The following SNTG1 variants were observed in gnomAD, a reference collection of about 807,000 sequenced individuals.
The protein encoded by SNTG1 is gamma-1-syntrophin.
Under a neutral mutation model 74.7 loss-of-function variants are expected in SNTG1, and 39 were observed. The observed-to-expected ratio is 0.52, with a 90% CI of 0.40 to 0.68. The LOEUF is 0.68. Ranked by LOEUF, SNTG1 falls within the 30% of genes least tolerant of loss-of-function variation. SNTG1 has a pLI of 0.00. For missense variants in SNTG1, 685 were observed against 609.5 expected, an observed-to-expected ratio of 1.12 and a Z score of -1.30; for synonymous variants, 254 against 217.1, an observed-to-expected ratio of 1.17 and a Z score of -1.49.
At chr8:50,415,033 C>T (rs899305290) in intron 4 of SNTG1, among the ~76,000 whole-genome samples, 4 of 152,142 alleles carry the variant, frequency 2.6e-5, no homozygotes, top group Admixed American at 2.0e-4. Context: ...CTCTAATTCA[C>T]TTTGTCTAAA....
chr8:50,420,287 G>T (rs529200411), intron 4 of SNTG1, among the ~76,000 whole-genome samples: 48 of 152,186 alleles, frequency 3.2e-4, no homozygotes, highest in African/African-American at 6.3e-4. Flanking sequence ...AACAAAAAAG[G>T]AATAACAGCA....
At chr8:50,279,436 T>C (rs1331107144) in intron 2 of SNTG1, among the ~76,000 whole-genome samples, 1 of 152,220 alleles carries the variant, frequency 6.6e-6, no homozygotes, top group Non-Finnish European at 1.5e-5. Context: ...TGTATAGTTA[T>C]TAATTGTATA....
chr8:50,129,685 A>G (rs542958414), intron 1 of SNTG1, among the ~76,000 whole-genome samples: 2 of 152,308 alleles, frequency 1.3e-5, no homozygotes, highest in East Asian at 3.9e-4. Flanking sequence ...AGGTTCCTCA[A>G]GATTAAGAAC....
chr8:50,180,419 T>A (rs927439150), intron 2 of SNTG1, among the ~76,000 whole-genome samples: 3 of 152,176 alleles, frequency 2.0e-5, no homozygotes, highest in Non-Finnish European at 2.9e-5. Flanking sequence ...GAGTAGACTT[T>A]AGGTGTGCTT....
At chr8:50,552,129 A>C (rs1424564030) in intron 11 of SNTG1, among the ~76,000 whole-genome samples, 1 of 152,218 alleles carries the variant, frequency 6.6e-6, no homozygotes, top group Non-Finnish European at 1.5e-5. Context: ...GTCAAAATTG[A>C]CTGGAATTGA....
At position 50,356,567 on chromosome 8, in the gene SNTG1, G is replaced by A. The variant is rs534384148; in HGVS notation, c.-27-37645G>A. Among the ~76,000 whole-genome samples the A allele has an allele frequency of 2.9e-3, 445 of 152,228 alleles. 2 individuals are homozygous for A. Among genetic ancestry groups the A allele is most frequent in the African/African-American group, 0.01 (420 of 41,550 alleles). On this transcript the variant is annotated intron_variant, in intron 2 of 18. Transcript: ENST00000642720. ...CTGGGAAGCCCAAGATCAAGATGCCGGCATCCGCTGTCTGGTAAGGAAGGG... is the reference window on the plus strand; with the variant it reads ...CTGGGAAGCCCAAGATCAAGATGCCAGCATCCGCTGTCTGGTAAGGAAGGG...
In SNTG1 at chr8:50,796,253, C is replaced by T. The variant is rs991273547; in HGVS notation, c.*3424C>T. ...AGCACAAGGATGATCTTGTGCTTAA[C>T]TTTTTAAGGTAAGTGTAGATGTTCG... is the stretch of plus-strand genomic sequence containing the variant. On this transcript the variant is annotated 3_prime_UTR_variant, in exon 19 of 19. Coordinates refer to ENST00000642720, the MANE Select transcript of SNTG1 (RefSeq NM_018967.5). The T allele has an allele frequency of 4.6e-5, 7 of 152,122 alleles. No individual in the cohort carries two copies. The highest frequency in any genetic ancestry group is 1.7e-4 in the African/African-American group (7 of 41,554). 9.4% of individuals were successfully genotyped at this position (152,122 alleles called of 1,614,324 possible).
At chr8:50,660,786 A>C (rs1333861061) in intron 15 of SNTG1, among the ~76,000 whole-genome samples, 3 of 150,386 alleles carry the variant, frequency 2.0e-5, no homozygotes, top group African/African-American at 7.5e-5. Context: ...GAAATAATAA[A>C]CATTATGTTT....
intron 18 of SNTG1, among the ~76,000 whole-genome samples, chr8:50,770,269 T>A (rs1429785878): frequency 6.6e-6 from 1 of 152,040 alleles, no homozygotes; most frequent in Non-Finnish European, 1.5e-5. Context: ...AATGAGAAAA[T>A]ATTCATAATT....
At chr8:50,193,951 CT>C (rs2083671083) in intron 2 of SNTG1, among the ~76,000 whole-genome samples, 1 of 152,064 alleles carries the variant, frequency 6.6e-6, no homozygotes, top group South Asian at 2.1e-4. Context: ...GTTTTTAATT[CT>C]GTTTTTGTGG....
Position 50,190,854 on chromosome 8 carries a change from T to G in SNTG1, c.-28+18219T>G, listed in dbSNP as rs77693714. On this transcript the variant is annotated intron_variant, in intron 2 of 18. Coordinates refer to ENST00000642720, the MANE Select transcript of SNTG1 (RefSeq NM_018967.5). ...GCCACCTGTTCACTCTTTCAGTAGG[T>G]GAAGCAAAACAGCTAGAGCATATGA... Among the ~76,000 whole-genome samples, 672 of 152,084 alleles carry G rather than the reference T, an allele frequency of 4.4e-3. 5 individuals carry two copies. The highest frequency in any genetic ancestry group is 0.015 in the African/African-American group (641 of 41,508).
At chr8:50,424,569 T>G (rs1320400684) in intron 4 of SNTG1, among the ~76,000 whole-genome samples, 1 of 152,086 alleles carries the variant, frequency 6.6e-6, no homozygotes, top group Non-Finnish European at 1.5e-5. Flanking sequence ...TTTCCAGGAA[T>G]GGGATGAATA....
intron 2 of SNTG1, among the ~76,000 whole-genome samples, chr8:50,359,487 T>TTTGCATCCAAA (rs1300420665): frequency 6.6e-6 from 1 of 152,184 alleles, no homozygotes; most frequent in Non-Finnish European, 1.5e-5. Flanking sequence ...TTAGCTCCAA[T>TTTGCATCCAAA]TTTTGCATCT....
intron 8 of SNTG1, among the ~76,000 whole-genome samples, chr8:50,494,433 T>G (rs2093885929): frequency 6.6e-6 from 1 of 152,034 alleles, no homozygotes; most frequent in Admixed American, 6.5e-5. Context: ...AATAAAATGG[T>G]TTGAAGATAC....
intron 1 of SNTG1, among the ~76,000 whole-genome samples, chr8:50,009,874 C>A (rs1185069198): frequency 6.6e-6 from 1 of 152,082 alleles, no homozygotes; most frequent in African/African-American, 2.4e-5. Context: ...TGATGCATGC[C>A]TGTAGCCCCA....
At chr8:50,103,958 T>C (rs1216184373) in intron 1 of SNTG1, among the ~76,000 whole-genome samples, 5 of 152,258 alleles carry the variant, frequency 3.3e-5, no homozygotes, top group Middle Eastern at 3.4e-3. Flanking sequence ...CTGGATTTGG[T>C]TTGCCAGTAT....
At chr8:50,674,336 A>G (rs138707766) in intron 15 of SNTG1, among the ~76,000 whole-genome samples, 2,481 of 152,216 alleles carry the variant, frequency 0.016, 52 homozygotes, top group African/African-American at 0.053. Context: ...GCTATTAATT[A>G]CTGCCTCAAT....
intron 1 of SNTG1, among the ~76,000 whole-genome samples, chr8:50,055,778 C>G (rs1227836765): frequency 6.6e-6 from 1 of 151,990 alleles, no homozygotes; most frequent in Admixed American, 6.6e-5. Context: ...CTTTTTTTCT[C>G]TCATTAGAAA....
chr8:50,471,289 T>A (rs79651147), intron 8 of SNTG1, among the ~76,000 whole-genome samples: 4,317 of 152,158 alleles, frequency 0.028, 81 homozygotes, highest in Middle Eastern at 0.11. Context: ...AGAGTGTGTT[T>A]CAATAGACAT....
Sources: allele counts gnomAD v4.1 joint callset (sites outside exome capture counted in the v4.1 genomes callset), GRCh38; gene constraint gnomAD v4.1.1; transcripts MANE v1.5; gene names NCBI Gene and HGNC (gene_info 2026-07-23, HGNC 2026-07-21).